AFF1: variants seen among roughly 807,000 people sequenced by gnomAD.
AFF1 encodes the protein AF4/FMR2 family member 1.
In AFF1, 48 loss-of-function variants were observed where a neutral mutation model predicts 121.7. That is an observed-to-expected ratio of 0.39 (90% CI 0.31 to 0.50). The LOEUF (loss-of-function observed/expected upper bound fraction) is 0.50. Among genes scored for constraint, AFF1 ranks in the 20% least tolerant of loss-of-function variants. AFF1 has a pLI of 0.76. For missense variants in AFF1, 1,523 were observed against 1,511.7 expected (o/e 1.01, Z -0.12); for synonymous variants, 613 against 563.0 (o/e 1.09, Z -1.26).
chr4:87,046,639 T>C (rs976579619), intron 3 of AFF1, 56 bp from the exon 4 acceptor site: 21 of 1,531,506 alleles, frequency 1.4e-5, no homozygotes, highest in African/African-American at 1.4e-5. Flanking sequence ...ACGTGGTTTG[T>C]TAAATGGTAG....
rs541229973 is a variant in AFF1 at position 87,066,635 on chromosome 4, G to GCCTT, written c.1060-17485_1060-17484insCCTT. Among the ~76,000 whole-genome samples, 40 of 152,192 alleles carry GCCTT rather than the reference G, an allele frequency of 2.6e-4. No individual in the cohort carries two copies. The East Asian group carries it at 7.4e-3, about 28-fold the overall frequency. Reference sequence around the variant, plus strand: ...ACAGGTAGGGAGAGACAAGGAGAAGGGTAGTACTGACATGGCCTGTCTTTA... The same window carrying GCCTT: ...ACAGGTAGGGAGAGACAAGGAGAAGGCCTTGTAGTACTGACATGGCCTGTCTTTA... On this transcript the variant is annotated intron_variant, in intron 4 of 20. Coordinates refer to ENST00000395146, the MANE Select transcript of AFF1 (RefSeq NM_001166693.3).
Position 87,046,024 on chromosome 4 carries a change from T to C in AFF1, c.39-142T>C, listed in dbSNP as rs1578137625. On this transcript the variant is annotated intron_variant, in intron 2 of 20. Coordinates refer to ENST00000395146, the MANE Select transcript of AFF1 (RefSeq NM_001166693.3). Reference sequence around the variant, plus strand: ...CACCCTAAGGCTGGGTTAAGGAACTTAGGCTTTCTTTAAATCACAGCCGTC... The same window carrying C: ...CACCCTAAGGCTGGGTTAAGGAACTCAGGCTTTCTTTAAATCACAGCCGTC... 22 of 1,051,032 alleles carry C rather than the reference T, an allele frequency of 2.1e-5. No individual in the cohort carries two copies. The East Asian group carries it at 5.7e-4, about 27-fold the overall frequency. 65.1% of individuals were successfully genotyped at this position (1,051,032 alleles called of 1,614,324 possible).
In AFF1 at chr4:87,115,198, C is replaced by A; in HGVS notation, c.2365C>A (p.Arg789Ser). 1 of 1,614,140 alleles carries A rather than the reference C, an allele frequency of 6.2e-7. No individual in the cohort carries two copies. The highest frequency in any genetic ancestry group is 1.3e-5 in the African/African-American group (1 of 75,008). The change falls in exon 12 of 21, where the codon CGC becomes AGC. Residue 789 changes from arginine to serine, a missense_variant. Coordinates refer to ENST00000395146, the MANE Select transcript of AFF1 (RefSeq NM_001166693.3). ...ACCCCAGCCTCCCGGGAAGGGGAGC[C>A]GCCAGAGGAAAGCAGAAGATAAACA... ...RIPQPPGKGS[R>S]QRKAEDKQPP...
In AFF1 at chr4:87,131,869, G is replaced by A. The variant is rs1266570610; in HGVS notation, c.3173+5G>A. ...GAAAATATTTGCTGTTTTATGGTGCGTATTTTCCTTTGTCTAAATAGTACT... is the reference window on the plus strand; with the variant it reads ...GAAAATATTTGCTGTTTTATGGTGCATATTTTCCTTTGTCTAAATAGTACT... On this transcript the variant is annotated splice_donor_5th_base_variant and intron_variant, in intron 18 of 20. Coordinates refer to ENST00000395146, the MANE Select transcript of AFF1 (RefSeq NM_001166693.3). 3.2e-6 allele frequency: 5 copies of A among 1,573,356 alleles called. No homozygotes were observed. The highest frequency in any genetic ancestry group is 1.4e-5 in the African/African-American group (1 of 72,244).
In AFF1 at chr4:87,047,174, C is replaced by T; in HGVS notation, c.639C>T (p.Ser213=). 6.2e-7 allele frequency: 1 copy of T among 1,614,140 alleles called. No homozygotes were observed. ...RELSPLISLP[S]PVPPLSPIHS... ...TTTCTCCCTTAATCTCTTTGCCTTC[C>T]CCAGTTCCCCCTTTGTCACCTATAC... is the stretch of plus-strand genomic sequence containing the variant. Residue 213 remains serine, a synonymous_variant, in exon 4 of 21, where the codon TCC becomes TCT. Transcript: ENST00000395146.
chr4:87,016,708 A>G (rs79469188), intron 2 of AFF1, among the ~76,000 whole-genome samples: 1,868 of 152,220 alleles, frequency 0.012, 15 homozygotes, highest in Non-Finnish European at 0.02. Flanking sequence ...CCTCCTGCCC[A>G]TTTACAGTTA....
intron 10 of AFF1, 97 bp from the exon 11 acceptor site, chr4:87,108,062 G>C: frequency 2.2e-6 from 3 of 1,386,510 alleles, no homozygotes; most frequent in Non-Finnish European, 3.0e-6. Flanking sequence ...CTAATACCAA[G>C]GCCCGCCCTT....
intron 7 of AFF1, among the ~76,000 whole-genome samples, chr4:87,093,932 T>TAGCA (rs1168289498): frequency 6.6e-6 from 1 of 152,188 alleles, no homozygotes; most frequent in African/African-American, 2.4e-5. Flanking sequence ...TTATGCCAGG[T>TAGCA]AGCACTACCA....
intron 16 of AFF1, among the ~76,000 whole-genome samples, chr4:87,130,807 A>G (rs747155282): frequency 6.6e-6 from 1 of 152,270 alleles, no homozygotes; most frequent in South Asian, 2.1e-4. Context: ...CTATGTACTT[A>G]CTGCCTTAGT....
chr4:86,941,258 C>A (rs1437097838), intron 1 of AFF1, among the ~76,000 whole-genome samples: 2 of 152,112 alleles, frequency 1.3e-5, no homozygotes, highest in Non-Finnish European at 2.9e-5. Flanking sequence ...TGCCTGTAAT[C>A]GCAGCACTTT....
intron 2 of AFF1, among the ~76,000 whole-genome samples, chr4:86,999,964 G>C (rs1313316780): frequency 6.6e-6 from 1 of 152,172 alleles, no homozygotes; most frequent in African/African-American, 2.4e-5. Context: ...TAACAGAAAG[G>C]AAAGGGTGCT....
intron 2 of AFF1, among the ~76,000 whole-genome samples, chr4:86,966,480 A>C (rs1418336120): frequency 6.6e-6 from 1 of 152,096 alleles, no homozygotes; most frequent in Non-Finnish European, 1.5e-5. Context: ...ACCATCCCCC[A>C]GTGGGTGATT....
chr4:87,075,878 A>G (rs1460835410), intron 4 of AFF1, among the ~76,000 whole-genome samples: 3 of 152,144 alleles, frequency 2.0e-5, no homozygotes, highest in Non-Finnish European at 4.4e-5. Context: ...CTTTTTGGTT[A>G]TCTTATGTAT....
chr4:86,967,032 T>C (rs1479685096), intron 2 of AFF1, among the ~76,000 whole-genome samples: 1 of 152,220 alleles, frequency 6.6e-6, no homozygotes, highest in Non-Finnish European at 1.5e-5. Context: ...GCTTTTGTCA[T>C]TCAAGTACTG....
At position 87,017,939 on chromosome 4, in the gene AFF1, T is replaced by TA. The variant is rs1369328421; in HGVS notation, c.39-28227_39-28226insA. On this transcript the variant is annotated intron_variant, in intron 2 of 20. Transcript: ENST00000395146. ...TCTTTTTAGCATTCAGTCGTTCTAT[T>TA]TAAAAAAAAAAAAGCTGTGAGGCTC... Among the ~76,000 whole-genome samples the TA allele has an allele frequency of 3.1e-4, 13 of 42,008 alleles. No homozygotes were observed. In the East Asian group the frequency reaches 7.5e-3, roughly 24 times the overall value. 27.6% of individuals were successfully genotyped at this position (42,008 alleles called of 152,430 possible). A position where few individuals can be genotyped will look rare whatever the true frequency, so the allele number is the denominator to read the frequency against.
rs943746418 is a variant in AFF1, at chr4:87,136,910, A to G, written c.*1209A>G. 9.0e-6 allele frequency: 2 copies of G among 221,050 alleles called. No homozygotes were observed. Among genetic ancestry groups the G allele is most frequent in the Non-Finnish European group, 1.8e-5 (2 of 110,290 alleles). The allele number at this position is 221,050 out of a possible 1,614,324, so 13.7% of individuals were successfully genotyped here. On this transcript the variant is annotated 3_prime_UTR_variant, in exon 21 of 21. Transcript: ENST00000395146. Reference sequence around the variant, plus strand: ...TGATTAGACTTTTGAAAAACTCATCACCACATGCCTTCACTCCAGAGTGTT... The same window carrying G: ...TGATTAGACTTTTGAAAAACTCATCGCCACATGCCTTCACTCCAGAGTGTT...
At chr4:87,054,902 C>CA (rs1719945866) in intron 4 of AFF1, among the ~76,000 whole-genome samples, 1 of 152,118 alleles carries the variant, frequency 6.6e-6, no homozygotes, top group Admixed American at 6.5e-5. Context: ...TTCTCCCTAC[C>CA]GCCCCCCACA....
intron 2 of AFF1, among the ~76,000 whole-genome samples, chr4:86,991,445 CAAAAA>C (rs57207984): frequency 4.2e-4 from 60 of 141,218 alleles, no homozygotes; most frequent in South Asian, 1.7e-3. Context: ...ACTCCATCTC[CAAAAA>C]AAAAAAAAAA....
chr4:87,134,153 G>A (rs1729094997), intron 19 of AFF1, among the ~76,000 whole-genome samples: 1 of 152,228 alleles, frequency 6.6e-6, no homozygotes, highest in Non-Finnish European at 1.5e-5. Flanking sequence ...CTGAGTGGAT[G>A]AAAGGATGAA....
Sources: gnomAD v4.1 joint callset for allele counts (sites outside exome capture counted in the v4.1 genomes callset) on GRCh38, gnomAD v4.1.1 for gene constraint, MANE v1.5 for transcripts, NCBI Gene and HGNC (gene_info 2026-07-23, HGNC 2026-07-21) for gene names.